NRXN3: variants seen among roughly 807,000 people sequenced by gnomAD.
NRXN3 encodes the protein neurexin III.
A neutral mutation model predicts 137.6 loss-of-function variants in NRXN3; 32 were observed. The ratio of observed to expected loss-of-function variants is 0.23; its 90% CI spans 0.18 to 0.31. The LOEUF is 0.31. Among genes scored for constraint, NRXN3 ranks in the 10% least tolerant of loss-of-function variants. The probability of loss-of-function intolerance (pLI) is 1.00; values close to 1 mark genes in which losing one functional copy is unlikely to be tolerated. For synonymous variants in NRXN3, 798 were observed against 784.5 expected, an observed-to-expected ratio of 1.02 and a Z score of -0.29; for missense variants, 1,574 against 2,062.5, an observed-to-expected ratio of 0.76 and a Z score of 4.59.
At chr14:79,437,433 C>T (rs2095862890) in intron 15 of NRXN3, among the ~76,000 whole-genome samples, 1 of 151,590 alleles carries the variant, frequency 6.6e-6, no homozygotes, top group Non-Finnish European at 1.5e-5. Flanking sequence ...AAAAAAAGCT[C>T]CATCTGAGAA....
intron 15 of NRXN3, among the ~76,000 whole-genome samples, chr14:79,322,151 C>G (rs2090140409): frequency 6.6e-6 from 1 of 152,202 alleles, no homozygotes; most frequent in African/African-American, 2.4e-5. Context: ...TCACCTTTCT[C>G]ACATTCTAGG....
intron 15 of NRXN3, among the ~76,000 whole-genome samples, chr14:79,332,421 G>A (rs2091828373): frequency 6.6e-6 from 1 of 152,126 alleles, no homozygotes; most frequent in African/African-American, 2.4e-5. Context: ...TCCGCAATAC[G>A]TCCTGCGCTG....
At chr14:78,244,799 G>T (rs1192740779) in intron 2 of NRXN3, among the ~76,000 whole-genome samples, 1 of 152,198 alleles carries the variant, frequency 6.6e-6, no homozygotes, top group Non-Finnish European at 1.5e-5. Flanking sequence ...CTGCAGTGTT[G>T]TTCAGCCAAG....
intron 15 of NRXN3, among the ~76,000 whole-genome samples, chr14:79,366,904 CTG>C (rs1381122386): frequency 6.6e-6 from 1 of 151,146 alleles, no homozygotes; most frequent in Non-Finnish European, 1.5e-5. Context: ...TTCTCAATAA[CTG>C]AATCAGTAAT....
In NRXN3 at chr14:78,778,549, T is replaced by C. The variant is rs557065098; in HGVS notation, c.2045-25071T>C. Reference sequence around the variant, plus strand: ...GAAATAGAAATAATTTTATACAAGCTAATTTTTCCAGGGTTTTTGTTTGTT... The same window carrying C: ...GAAATAGAAATAATTTTATACAAGCCAATTTTTCCAGGGTTTTTGTTTGTT... On this transcript the variant is annotated intron_variant, in intron 8 of 20. Coordinates refer to ENST00000335750, the MANE Select transcript of NRXN3 (RefSeq NM_001330195.2). Among the ~76,000 whole-genome samples, 5 of 152,276 alleles carry C rather than the reference T, an allele frequency of 3.3e-5. No homozygotes were observed. The South Asian group carries it at 1.0e-3, about 32-fold the overall frequency.
intron 10 of NRXN3, among the ~76,000 whole-genome samples, chr14:78,843,902 T>A (rs2099019561): frequency 6.6e-6 from 1 of 152,124 alleles, no homozygotes; most frequent in South Asian, 2.1e-4. Context: ...TGCATTCTGA[T>A]GTCAAGAAGC....
chr14:79,440,947 G>A (rs942719953), intron 15 of NRXN3, among the ~76,000 whole-genome samples: 1 of 152,048 alleles, frequency 6.6e-6, no homozygotes, highest in Admixed American at 6.6e-5. Flanking sequence ...TTTAGTATAC[G>A]GTAAGCTTGC....
chr14:78,389,063 T>G (rs1259014839), intron 4 of NRXN3, among the ~76,000 whole-genome samples: 5 of 151,598 alleles, frequency 3.3e-5, no homozygotes, highest in African/African-American at 1.2e-4. Context: ...TTTCTTTTTT[T>G]TTTTTTTTGT....
chr14:79,738,034 TAG>T (rs2098948151), intron 19 of NRXN3, among the ~76,000 whole-genome samples: 2 of 152,118 alleles, frequency 1.3e-5, no homozygotes, highest in Non-Finnish European at 2.9e-5. Context: ...ACCTGTAAAC[TAG>T]CATCTTGACA....
intron 16 of NRXN3, among the ~76,000 whole-genome samples, chr14:79,584,692 G>A (rs1351270220): frequency 2.6e-5 from 4 of 152,254 alleles, no homozygotes; most frequent in African/African-American, 7.2e-5. Context: ...AGTGCTCTGC[G>A]GGCTCAGCTG....
chr14:78,699,256 A>G (rs1376085928), intron 6 of NRXN3, among the ~76,000 whole-genome samples: 1 of 149,672 alleles, frequency 6.7e-6, no homozygotes, highest in African/African-American at 2.5e-5. Context: ...GGTGATGCCT[A>G]AACTGTGCTT....
intron 20 of NRXN3, among the ~76,000 whole-genome samples, chr14:79,820,052 C>G (rs969654070): frequency 6.6e-6 from 1 of 152,082 alleles, no homozygotes; most frequent in Non-Finnish European, 1.5e-5. Context: ...TGTGTCATAT[C>G]CCAGTAATTC....
intron 10 of NRXN3, among the ~76,000 whole-genome samples, chr14:78,873,711 T>A (rs1386869738): frequency 6.6e-6 from 1 of 152,182 alleles, no homozygotes; most frequent in East Asian, 1.9e-4. Flanking sequence ...AGAAGTCTAC[T>A]TGCTACTCAA....
intron 6 of NRXN3, among the ~76,000 whole-genome samples, chr14:78,663,546 G>T: frequency 6.6e-6 from 1 of 152,090 alleles, no homozygotes; most frequent in Non-Finnish European, 1.5e-5. Context: ...TCTTGAGATG[G>T]GCAGCACATT....
At chr14:79,746,110 T>C (rs2098978857) in intron 19 of NRXN3, among the ~76,000 whole-genome samples, 1 of 152,128 alleles carries the variant, frequency 6.6e-6, no homozygotes, top group African/African-American at 2.4e-5. Context: ...TATAGACCTC[T>C]CTAGTTTTAC....
At chr14:78,911,657 T>C (rs2099238069) in intron 10 of NRXN3, among the ~76,000 whole-genome samples, 2 of 152,182 alleles carry the variant, frequency 1.3e-5, no homozygotes, top group South Asian at 4.1e-4. Flanking sequence ...TGCTGTCATT[T>C]GAAAGCATGT....
At chr14:78,712,854 C>T (rs1277149689) in intron 7 of NRXN3, among the ~76,000 whole-genome samples, 1 of 152,236 alleles carries the variant, frequency 6.6e-6, no homozygotes, top group Admixed American at 6.5e-5. Context: ...TGAGCCACCA[C>T]ACCCAGCCGA....
chr14:78,522,118 C>T lies in NRXN3; in HGVS notation c.758-123002C>T, dbSNP rs186389438. 4.0e-3 allele frequency among the ~76,000 whole-genome samples: 608 copies of T among 152,202 alleles called. 4 individuals carry two copies. The highest frequency in any genetic ancestry group is 5.6e-3 in the Non-Finnish European group (382 of 67,986). On this transcript the variant is annotated intron_variant, in intron 4 of 20. Coordinates refer to ENST00000335750, the MANE Select transcript of NRXN3 (RefSeq NM_001330195.2). ...TATTTTATCACTAGAAAAGCCATAACGATGAAGGGATGGTATGTTCAAAGC... is the reference window on the plus strand; with the variant it reads ...TATTTTATCACTAGAAAAGCCATAATGATGAAGGGATGGTATGTTCAAAGC...
At chr14:79,429,483 T>C (rs190251080) in intron 15 of NRXN3, among the ~76,000 whole-genome samples, 101 of 152,374 alleles carry the variant, frequency 6.6e-4, no homozygotes, top group Admixed American at 6.6e-3. Flanking sequence ...CAAGAGTTTC[T>C]CGTAGGAACT....
Sources: gnomAD v4.1 joint callset for allele counts (sites outside exome capture counted in the v4.1 genomes callset) on GRCh38, gnomAD v4.1.1 for gene constraint, MANE v1.5 for transcripts, NCBI Gene and HGNC (gene_info 2026-07-23, HGNC 2026-07-21) for gene names.